Variants in SDK1 observed in about 807,000 individuals in gnomAD.
SDK1 encodes sidekick cell adhesion molecule 1.
In SDK1, 157 loss-of-function variants were observed where a neutral mutation model predicts 245.5. The observed-to-expected ratio is 0.64, with a 90% CI of 0.56 to 0.73. The LOEUF is 0.73. Among genes scored for constraint, SDK1 ranks in the 30% least tolerant of loss-of-function variants. The pLI is 0.00. For synonymous variants in SDK1, 1,647 were observed against 1,278.5 expected (o/e 1.29, Z -6.15); for missense variants, 3,583 against 3,002.3 (o/e 1.19, Z -4.52).
At chr7:3,523,542 C>G (rs1783015719) in intron 1 of SDK1, among the ~76,000 whole-genome samples, 1 of 152,096 alleles carries the variant, frequency 6.6e-6, no homozygotes, top group South Asian at 2.1e-4. Flanking sequence ...GCTAAAGCTC[C>G]TAAGACTCCT....
intron 4 of SDK1, among the ~76,000 whole-genome samples, chr7:3,752,812 T>A (rs952322442): frequency 3.9e-5 from 6 of 152,238 alleles, no homozygotes; most frequent in African/African-American, 1.4e-4. Flanking sequence ...TTGTTATTTC[T>A]CTCTATAGTT....
intron 5 of SDK1, among the ~76,000 whole-genome samples, chr7:3,862,186 G>A (rs1182472566): frequency 6.6e-6 from 1 of 152,228 alleles, no homozygotes; most frequent in Non-Finnish European, 1.5e-5. Context: ...GTTCTCAGCA[G>A]TGGCTGCATA....
At position 4,194,222 on chromosome 7, in the gene SDK1, A is replaced by G. The variant is rs1101281; in HGVS notation, c.5099-11657A>G. Among the ~76,000 whole-genome samples, 1,058 of 148,042 alleles carry G rather than the reference A, an allele frequency of 7.1e-3. 28 individuals are homozygous for G. The highest frequency in any genetic ancestry group is 0.021 in the African/African-American group (816 of 39,632). ...GAGCGAGAGAGATATATATATGTAT[A>G]CACGTATGTGTATACATGTATAGAT... is the stretch of plus-strand genomic sequence containing the variant. On this transcript the variant is annotated intron_variant, in intron 35 of 44. Transcript: ENST00000404826.
At chr7:3,581,965 G>T (rs1780510699) in intron 1 of SDK1, among the ~76,000 whole-genome samples, 1 of 152,204 alleles carries the variant, frequency 6.6e-6, no homozygotes, top group African/African-American at 2.4e-5. Context: ...CCACATAGAG[G>T]GGAACAGACA....
chr7:3,386,455 A>G (rs756383488), intron 1 of SDK1, among the ~76,000 whole-genome samples: 4 of 152,224 alleles, frequency 2.6e-5, no homozygotes, highest in Admixed American at 6.5e-5. Context: ...ATTTCAAAAC[A>G]CACTCATATT....
chr7:3,706,386 C>G (rs530141191), intron 4 of SDK1, among the ~76,000 whole-genome samples: 1 of 152,234 alleles, frequency 6.6e-6, no homozygotes, highest in African/African-American at 2.4e-5. Flanking sequence ...GTAAATCCAT[C>G]TGGTCCTGGG....
rs1364105753 is a variant in SDK1, at chr7:4,266,505, C to CGCT, written c.*1130_*1132dup. On this transcript the variant is annotated 3_prime_UTR_variant, in exon 45 of 45. Coordinates refer to ENST00000404826, the MANE Select transcript of SDK1 (RefSeq NM_152744.4). ...GCAGCCACCGCTTCTCCACCACTGG[C>CGCT]GCTGCTGCTGCCCCCTCTCCCAGTC... 5.3e-5 allele frequency: 52 copies of CGCT among 985,284 alleles called. No individual in the cohort carries two copies. The highest frequency in any genetic ancestry group is 6.1e-5 in the Non-Finnish European group (51 of 829,928). 61.0% of individuals were successfully genotyped at this position (985,284 alleles called of 1,614,324 possible). A position where few individuals can be genotyped will look rare whatever the true frequency, so the allele number is the denominator to read the frequency against.
Position 3,429,128 on chromosome 7 carries a change from G to T in SDK1, c.298+127244G>T, listed in dbSNP as rs117794461. On this transcript the variant is annotated intron_variant, in intron 1 of 44. Transcript: ENST00000404826. ...ATCCAGCTTCTGCAATAATGAGAAGGCTCAGTTTGGAGCATCTAAAATTGT... is the reference window on the plus strand; with the variant it reads ...ATCCAGCTTCTGCAATAATGAGAAGTCTCAGTTTGGAGCATCTAAAATTGT... Among the ~76,000 whole-genome samples, 625 of 152,200 alleles carry T rather than the reference G, an allele frequency of 4.1e-3. 7 individuals carry two copies. The highest frequency in any genetic ancestry group is 0.018 in the South Asian group (87 of 4,818).
At chr7:3,565,591 A>G (rs1358440022) in intron 1 of SDK1, among the ~76,000 whole-genome samples, 2 of 152,216 alleles carry the variant, frequency 1.3e-5, no homozygotes, top group African/African-American at 4.8e-5. Context: ...CTGTGTATAA[A>G]CAGTCATCTC....
chr7:3,867,376 A>G (rs1665160624), intron 5 of SDK1, among the ~76,000 whole-genome samples: 1 of 152,208 alleles, frequency 6.6e-6, no homozygotes, highest in Non-Finnish European at 1.5e-5. Context: ...TGATTAAGCC[A>G]TTTTTAAAAA....
intron 4 of SDK1, among the ~76,000 whole-genome samples, chr7:3,755,244 G>C (rs1779886642): frequency 6.6e-6 from 1 of 152,112 alleles, no homozygotes; most frequent in South Asian, 2.1e-4. Flanking sequence ...TGGTTGGTGT[G>C]GGGAGCGTAT....
chr7:3,475,251 G>T (rs1342331245), intron 1 of SDK1, among the ~76,000 whole-genome samples: 1 of 152,018 alleles, frequency 6.6e-6, no homozygotes, highest in Non-Finnish European at 1.5e-5. Context: ...TCAAGGCCTG[G>T]CCCTTCCTTG....
intron 1 of SDK1, among the ~76,000 whole-genome samples, chr7:3,344,580 T>C (rs2128555607): frequency 6.6e-6 from 1 of 152,324 alleles, no homozygotes; most frequent in East Asian, 1.9e-4. Flanking sequence ...GCTCTTGTTA[T>C]CATAAATAGA....
At chr7:3,370,690 C>G (rs543521971) in intron 1 of SDK1, among the ~76,000 whole-genome samples, 1 of 152,284 alleles carries the variant, frequency 6.6e-6, no homozygotes, top group Admixed American at 6.5e-5. Context: ...AAACAGATTG[C>G]GAATGGTCTT....
chr7:3,554,514 A>G (rs556933302), intron 1 of SDK1, among the ~76,000 whole-genome samples: 91 of 152,358 alleles, frequency 6.0e-4, no homozygotes, highest in South Asian at 1.9e-3. Context: ...AGATAGTTCA[A>G]TAGAAGCCTC....
chr7:3,370,389 C>G (rs982808224), intron 1 of SDK1, among the ~76,000 whole-genome samples: 1 of 152,174 alleles, frequency 6.6e-6, no homozygotes, highest in African/African-American at 2.4e-5. Context: ...CTTTATAAGT[C>G]TGTATCTTGA....
At chr7:3,589,338 G>C (rs966323337) in intron 1 of SDK1, among the ~76,000 whole-genome samples, 5 of 152,132 alleles carry the variant, frequency 3.3e-5, no homozygotes, top group Admixed American at 6.5e-5. Context: ...GTTGTCATGG[G>C]CCTTTTGACA....
rs776901490 is a variant in SDK1 at position 4,266,813 on chromosome 7, C to T, written c.*1429C>T. 2 of 985,492 alleles carry T rather than the reference C, an allele frequency of 2.0e-6. No individual in the cohort carries two copies. Among genetic ancestry groups the T allele is most frequent in the Non-Finnish European group, 2.4e-6 (2 of 829,998 alleles). The allele number at this position is 985,492 out of a possible 1,614,324, so 61.0% of individuals were successfully genotyped here. ...GTGTGCCCCGGGTCCCTGTAAGTGCCCCCTCACCAGCAGCAGCGTGACACA... is the reference window on the plus strand; with the variant it reads ...GTGTGCCCCGGGTCCCTGTAAGTGCTCCCTCACCAGCAGCAGCGTGACACA... On this transcript the variant is annotated 3_prime_UTR_variant, in exon 45 of 45. Transcript: ENST00000404826.
At chr7:4,065,692 T>TTG in intron 19 of SDK1, among the ~76,000 whole-genome samples, 1 of 98,494 alleles carries the variant, frequency 1.0e-5, no homozygotes, top group Non-Finnish European at 1.9e-5. Flanking sequence ...TGAGTGGTTG[T>TTG]TGTTTTTTTT....
Sources: allele counts gnomAD v4.1 joint callset (sites outside exome capture counted in the v4.1 genomes callset), GRCh38; gene constraint gnomAD v4.1.1; transcripts MANE v1.5; gene names NCBI Gene and HGNC (gene_info 2026-07-23, HGNC 2026-07-21).